Variants in PBX1 observed in about 807,000 individuals in gnomAD.
The protein encoded by PBX1 is pre-B-cell leukemia transcription factor 1.
PBX1 carries 6 observed loss-of-function variants against 53.4 expected under a neutral mutation model. The ratio of observed to expected loss-of-function variants is 0.11; its 90% confidence interval spans 0.06 to 0.22. The LOEUF (loss-of-function observed/expected upper bound fraction) is 0.22. Ranked by LOEUF, PBX1 falls within the 10% of genes least tolerant of loss-of-function variation. PBX1 has a pLI of 1.00. For missense variants in PBX1, 251 were observed against 551.4 expected (o/e 0.46, Z 5.46); for synonymous variants, 204 against 212.3 (o/e 0.96, Z 0.34).
intron 2 of PBX1, among the ~76,000 whole-genome samples, chr1:164,765,730 G>A (rs1489012454): frequency 6.6e-6 from 1 of 152,164 alleles, no homozygotes; most frequent in Non-Finnish European, 1.5e-5. Flanking sequence ...CTAACAAGAG[G>A]CAGAGGAGTT....
At chr1:164,819,804 T>C in intron 6 of PBX1, 1 of 340,160 alleles carries the variant, frequency 2.9e-6, no homozygotes, top group South Asian at 6.1e-5. Flanking sequence ...AGAATAAAGG[T>C]TCCCTTTCTT....
At chr1:164,721,276 G>C (rs1188356774) in intron 2 of PBX1, among the ~76,000 whole-genome samples, 1 of 152,044 alleles carries the variant, frequency 6.6e-6, no homozygotes, top group African/African-American at 2.4e-5. Context: ...CTCCCCTTTG[G>C]GCCCTTGAGC....
intron 6 of PBX1, 174 bp from the exon 7 acceptor site, chr1:164,819,897 CT>C: frequency 3.5e-6 from 2 of 573,796 alleles, no homozygotes; most frequent in Non-Finnish European, 6.2e-6. Context: ...AATATGCACC[CT>C]TTATTGCTTG....
chr1:164,562,627 C>G (rs1426016621), intron 1 of PBX1, among the ~76,000 whole-genome samples: 1 of 152,202 alleles, frequency 6.6e-6, no homozygotes, highest in Non-Finnish European at 1.5e-5. Flanking sequence ...AATGTGAACA[C>G]AGAGAAATGA....
Position 164,851,266 on chromosome 1 carries a change from A to C in PBX1, c.*4590A>C, listed in dbSNP as rs891116106. 9.7e-6 allele frequency: 2 copies of C among 206,806 alleles called. No homozygotes were observed. Among genetic ancestry groups the C allele is most frequent in the African/African-American group, 4.6e-5 (2 of 43,916 alleles). 12.8% of individuals were successfully genotyped at this position (206,806 alleles called of 1,614,324 possible). On this transcript the variant is annotated 3_prime_UTR_variant, in exon 9 of 9. Coordinates refer to ENST00000420696, the MANE Select transcript of PBX1 (RefSeq NM_002585.4). ...TTCATTTTAAATACCATCATTCAAC[A>C]AATTATGTTCAGAAAGTGGTCAGAA...
At chr1:164,659,045 T>C (rs988043080) in intron 2 of PBX1, among the ~76,000 whole-genome samples, 3 of 152,178 alleles carry the variant, frequency 2.0e-5, no homozygotes, top group African/African-American at 7.2e-5. Flanking sequence ...ATTAACCTCA[T>C]AGCACAGTGT....
rs1236229846 is a variant in PBX1, at chr1:164,781,461, A to AT, written c.266-11033_266-11032insT. Among the ~76,000 whole-genome samples the AT allele has an allele frequency of 5.7e-4, 87 of 152,194 alleles. 4 individuals are homozygous for AT. Among genetic ancestry groups the AT allele is most frequent in the Non-Finnish European group, 4.4e-5 (3 of 68,046 alleles). On this transcript the variant is annotated intron_variant, in intron 2 of 8. Transcript: ENST00000420696. ...TATAGATCAATATATGCAGAAAGGC[A>AT]AATTACAGGTACTCAGCCTAAAGTA...
intron 2 of PBX1, chr1:164,657,211 G>A (rs1660219532): frequency 6.6e-6 from 1 of 152,198 alleles, no homozygotes; most frequent in African/African-American, 2.4e-5. Context: ...TCAAAGAGGA[G>A]CAATTATTTC....
intron 2 of PBX1, among the ~76,000 whole-genome samples, chr1:164,661,866 T>C (rs1473974979): frequency 6.6e-6 from 1 of 152,174 alleles, no homozygotes; most frequent in Non-Finnish European, 1.5e-5. Context: ...TTTCATGTTT[T>C]CAAGCAGGGA....
chr1:164,804,348 AG>A (rs2102329791), intron 4 of PBX1, among the ~76,000 whole-genome samples: 2 of 152,330 alleles, frequency 1.3e-5, no homozygotes, highest in South Asian at 4.1e-4. Context: ...GTGTCCCCAG[AG>A]CTACAATCTT....
chr1:164,856,716 T>C (rs1463444898), downstream of PBX1, among the ~76,000 whole-genome samples: 2 of 152,198 alleles, frequency 1.3e-5, no homozygotes. Flanking sequence ...TATGTTGGAA[T>C]TCACTAATAA....
intron 2 of PBX1, among the ~76,000 whole-genome samples, chr1:164,712,352 G>T (rs554758007): frequency 6.6e-6 from 1 of 152,106 alleles, no homozygotes; most frequent in African/African-American, 2.4e-5. Context: ...TCGGGAAAAC[G>T]ATAACGGCTG....
chr1:164,608,097 A>T (rs1656678962), intron 2 of PBX1, among the ~76,000 whole-genome samples: 1 of 152,192 alleles, frequency 6.6e-6, no homozygotes, highest in Admixed American at 6.5e-5. Flanking sequence ...GCCTTCATCC[A>T]TTAGTGATTT....
intron 2 of PBX1, among the ~76,000 whole-genome samples, chr1:164,866,386 G>A (rs1321285882): frequency 6.6e-6 from 1 of 152,190 alleles, no homozygotes; most frequent in East Asian, 1.9e-4. Flanking sequence ...ATGTTACCCA[G>A]CCATGGAGTC....
At chr1:164,568,272 G>C (rs1168261857) in intron 2 of PBX1, among the ~76,000 whole-genome samples, 1 of 152,006 alleles carries the variant, frequency 6.6e-6, no homozygotes, top group East Asian at 1.9e-4. Flanking sequence ...ATCTCTTTTA[G>C]ATGGATGATA....
intron 2 of PBX1, among the ~76,000 whole-genome samples, chr1:164,599,394 G>A (rs73017002): frequency 1.2e-4 from 18 of 151,778 alleles, no homozygotes; most frequent in African/African-American, 3.9e-4. Context: ...CTCTTTCTTC[G>A]GGCAAATCTG....
At chr1:164,693,347 A>G (rs953837660) in intron 2 of PBX1, among the ~76,000 whole-genome samples, 1 of 152,238 alleles carries the variant, frequency 6.6e-6, no homozygotes, top group Admixed American at 6.5e-5. Context: ...TACAATTATT[A>G]TAATACCTGG....
intron 2 of PBX1, chr1:164,651,816 C>CG (rs1451255094): frequency 6.6e-6 from 1 of 152,388 alleles, no homozygotes; most frequent in African/African-American, 2.4e-5. Context: ...GCCTTGGCTG[C>CG]GGTTTGTTGC....
chr1:164,817,967 A>T (rs1213121465), intron 6 of PBX1: 3 of 152,208 alleles, frequency 2.0e-5, no homozygotes, highest in Non-Finnish European at 4.4e-5. Context: ...ATGGGAGAGA[A>T]GTAAAATACG....
Sources: allele counts gnomAD v4.1 joint callset (sites outside exome capture counted in the v4.1 genomes callset), GRCh38; gene constraint gnomAD v4.1.1; transcripts MANE v1.5; gene names NCBI Gene and HGNC (gene_info 2026-07-23, HGNC 2026-07-21).